Variants in METTL16 observed in about 807,000 individuals in gnomAD.
The protein encoded by METTL16 is RNA N(6)-adenosine-methyltransferase METTL16.
In METTL16, 19 loss-of-function variants were observed where a neutral mutation model predicts 57.9. That is an observed-to-expected ratio of 0.33 (90% confidence interval 0.23 to 0.48). The LOEUF is 0.48. Among genes scored for constraint, METTL16 ranks in the 20% least tolerant of loss-of-function variants. METTL16 has a pLI of 0.99. For missense variants in METTL16, 434 were observed against 691.5 expected (o/e 0.63, Z 4.18); for synonymous variants, 246 against 255.6 (o/e 0.96, Z 0.36).
intron 2 of METTL16, among the ~76,000 whole-genome samples, chr17:2,478,315 C>T (rs777597139): frequency 1.2e-3 from 181 of 152,278 alleles, no homozygotes; most frequent in Middle Eastern, 3.4e-3. Context: ...TTTACAAATG[C>T]TAGCTGTTTT....
chr17:2,442,765 T>C lies in METTL16; in HGVS notation c.729-1206A>G, dbSNP rs900250582. ...TTGCCAATAAATTTCACAACTTAGATGAAACAAATTGCTTCAAAAACACAA... is the reference window on the plus strand; with the variant it reads ...TTGCCAATAAATTTCACAACTTAGACGAAACAAATTGCTTCAAAAACACAA... On this transcript the variant is annotated intron_variant, in intron 6 of 9. Coordinates refer to ENST00000263092, the MANE Select transcript of METTL16 (RefSeq NM_024086.4). Among the ~76,000 whole-genome samples, 7 of 151,986 alleles carry C rather than the reference T, an allele frequency of 4.6e-5. No individual in the cohort carries two copies. The East Asian group carries it at 7.7e-4, about 17-fold the overall frequency.
At chr17:2,447,643 C>T (rs1325752328) in intron 6 of METTL16, among the ~76,000 whole-genome samples, 11 of 128,084 alleles carry the variant, frequency 8.6e-5, no homozygotes, top group Admixed American at 4.9e-4. Flanking sequence ...TCTGCCCGGC[C>T]GCCCCTACTG....
intron 1 of METTL16, among the ~76,000 whole-genome samples, chr17:2,502,950 T>C (rs531604371): frequency 6.6e-6 from 1 of 151,448 alleles, no homozygotes; most frequent in South Asian, 2.1e-4. Flanking sequence ...AAACAACGAG[T>C]GTTCTGCAAG....
At chr17:2,496,365 A>G (rs952344779) in intron 2 of METTL16, among the ~76,000 whole-genome samples, 2 of 151,488 alleles carry the variant, frequency 1.3e-5, no homozygotes, top group South Asian at 2.1e-4. Flanking sequence ...TGGTGTAATC[A>G]TAAGTTCACT....
intron 6 of METTL16, among the ~76,000 whole-genome samples, chr17:2,443,742 G>A (rs1400764970): frequency 5.9e-5 from 9 of 151,992 alleles, no homozygotes; most frequent in Admixed American, 4.6e-4. Flanking sequence ...CTCGTGATCC[G>A]TCCACCTCGG....
intron 8 of METTL16, among the ~76,000 whole-genome samples, chr17:2,423,605 G>A (rs944340459): frequency 6.6e-6 from 1 of 152,060 alleles, no homozygotes; most frequent in African/African-American, 2.4e-5. Flanking sequence ...AACATCAAAG[G>A]CCATGACCAT....
intron 2 of METTL16, 129 bp downstream of exon 2, chr17:2,502,075 A>T: frequency 1.1e-6 from 1 of 876,170 alleles, no homozygotes; most frequent in Non-Finnish European, 1.7e-6. Context: ...AGAGAGGTTA[A>T]GTGATTTGTC....
chr17:2,446,835 G>A (rs1007556366), intron 6 of METTL16, among the ~76,000 whole-genome samples: 2 of 152,032 alleles, frequency 1.3e-5, no homozygotes, highest in African/African-American at 4.8e-5. Flanking sequence ...CGCCAGCCTC[G>A]GCCTCCCGGG....
At chr17:2,447,214 G>A (rs551934599) in intron 6 of METTL16, among the ~76,000 whole-genome samples, 1 of 147,740 alleles carries the variant, frequency 6.8e-6, no homozygotes, top group Non-Finnish European at 1.5e-5. Context: ...TGAGATGTGG[G>A]GAGCACCTCT....
chr17:2,438,322 A>T (rs542528916), intron 7 of METTL16, 124 bp from the exon 8 acceptor site: 1 of 696,804 alleles, frequency 1.4e-6, no homozygotes, highest in Non-Finnish European at 2.6e-6. Flanking sequence ...AATATTACCA[A>T]ACAACAGTTA....
intron 8 of METTL16, among the ~76,000 whole-genome samples, chr17:2,433,870 C>T (rs1014613414): frequency 4.6e-5 from 7 of 152,180 alleles, no homozygotes; most frequent in African/African-American, 1.7e-4. Flanking sequence ...CTCCATAAAG[C>T]GGTCTTTGAC....
chr17:2,422,462 C>A (rs2066773570), intron 8 of METTL16, among the ~76,000 whole-genome samples: 1 of 151,978 alleles, frequency 6.6e-6, no homozygotes, highest in African/African-American at 2.4e-5. Context: ...CTCACTGCAA[C>A]CTCCACCTCC....
At chr17:2,436,528 A>T (rs538313636) in intron 8 of METTL16, 3 of 152,410 alleles carry the variant, frequency 2.0e-5, no homozygotes, top group African/African-American at 7.2e-5. Context: ...AGAGACTCAG[A>T]CACACAGCAA....
At chr17:2,441,621 A>G in intron 6 of METTL16, 62 bp from the exon 7 acceptor site, 1 of 1,092,348 alleles carries the variant, frequency 9.2e-7, no homozygotes, top group Non-Finnish European at 1.3e-6. Context: ...TAAACTAAGC[A>G]TTATTCAAGT....
intron 8 of METTL16, among the ~76,000 whole-genome samples, chr17:2,425,052 C>T (rs1446402447): frequency 6.6e-6 from 1 of 152,084 alleles, no homozygotes; most frequent in African/African-American, 2.4e-5. Flanking sequence ...GTTGTTCAGT[C>T]CCCTCTTATT....
chr17:2,460,613 C>T (rs1260108459), intron 6 of METTL16, among the ~76,000 whole-genome samples: 3 of 152,124 alleles, frequency 2.0e-5, no homozygotes, highest in East Asian at 1.9e-4. Flanking sequence ...GGGTTGGGCG[C>T]GGTGGCTCAC....
At chr17:2,488,647 G>A (rs916593980) in intron 2 of METTL16, among the ~76,000 whole-genome samples, 3 of 152,126 alleles carry the variant, frequency 2.0e-5, no homozygotes, top group Non-Finnish European at 4.4e-5. Flanking sequence ...AGGATATCAA[G>A]CTAAGTGAAA....
intron 1 of METTL16, among the ~76,000 whole-genome samples, chr17:2,508,742 C>T (rs986604682): frequency 2.0e-5 from 3 of 152,164 alleles, no homozygotes; most frequent in African/African-American, 2.4e-5. Flanking sequence ...CAAATGTGAA[C>T]ATTTCCTTAT....
At chr17:2,474,817 G>A (rs2067258876) in intron 3 of METTL16, among the ~76,000 whole-genome samples, 1 of 152,186 alleles carries the variant, frequency 6.6e-6, no homozygotes. Flanking sequence ...CTACTCAGGA[G>A]GCTGAGGCAG....
Sources: gnomAD v4.1 joint callset for allele counts (sites outside exome capture counted in the v4.1 genomes callset) on GRCh38, gnomAD v4.1.1 for gene constraint, MANE v1.5 for transcripts, NCBI Gene and HGNC (gene_info 2026-07-23, HGNC 2026-07-21) for gene names.